Variants in GMDS observed in about 807,000 individuals in gnomAD.
GMDS encodes GDP-mannose 4,6-dehydratase.
A neutral mutation model predicts 49.9 loss-of-function variants in GMDS; 20 were observed. The ratio of observed to expected loss-of-function variants is 0.40; its 90% CI spans 0.28 to 0.58. The LOEUF (loss-of-function observed/expected upper bound fraction) is 0.58, where lower values mean the gene tolerates loss of function less well. GMDS is among the 20% of genes least tolerant of loss of function. The pLI, the probability that GMDS is intolerant of heterozygous loss-of-function variation, is 0.42. For synonymous variants in GMDS, 177 were observed against 178.6 expected (o/e 0.99, Z 0.07); for missense variants, 362 against 481.4 (o/e 0.75, Z 2.32).
At chr6:2,024,521 G>T (rs1768466170) in intron 4 of GMDS, among the ~76,000 whole-genome samples, 1 of 152,232 alleles carries the variant, frequency 6.6e-6, no homozygotes, top group African/African-American at 2.4e-5. Context: ...TAGCAGTTCA[G>T]GGTTAAAGTG....
At chr6:1,824,618 G>A (rs1771034204) in intron 7 of GMDS, among the ~76,000 whole-genome samples, 2 of 152,118 alleles carry the variant, frequency 1.3e-5, no homozygotes, top group African/African-American at 4.8e-5. Flanking sequence ...GGTATCAGAT[G>A]AGGATCCAAA....
Position 2,023,704 on chromosome 6 carries a change from T to A in GMDS, c.346-62738A>T, listed in dbSNP as rs144719520. ...ATTTTTCATATATTTAGTAAAATGG[T>A]CACAAAAATTATCCCCAAATGGGTA... On this transcript the variant is annotated intron_variant, in intron 4 of 10. Coordinates refer to ENST00000380815, the MANE Select transcript of GMDS (RefSeq NM_001500.4). Among the ~76,000 whole-genome samples, 375 of 152,298 alleles carry A rather than the reference T, an allele frequency of 2.5e-3. 1 individual carries two copies. Among genetic ancestry groups the A allele is most frequent in the African/African-American group, 8.8e-3 (364 of 41,572 alleles).
intron 4 of GMDS, among the ~76,000 whole-genome samples, chr6:1,965,746 T>G (rs1452247094): frequency 6.6e-6 from 1 of 152,046 alleles, no homozygotes; most frequent in African/African-American, 2.4e-5. Context: ...AGCAGAAGGA[T>G]TACTCGAACC....
chr6:1,688,345 C>T (rs1026783621), intron 9 of GMDS, among the ~76,000 whole-genome samples: 3 of 152,246 alleles, frequency 2.0e-5, no homozygotes, highest in East Asian at 1.9e-4. Flanking sequence ...AGATGAACGA[C>T]GGCTCGTGGA....
intron 7 of GMDS, among the ~76,000 whole-genome samples, chr6:1,893,211 TGAGAC>T (rs1759966552): frequency 6.7e-6 from 1 of 148,718 alleles, no homozygotes. Context: ...TTTTTTTTTT[TGAGAC>T]GGAGTCTGAC....
chr6:2,011,929 A>G (rs370306258), intron 4 of GMDS, among the ~76,000 whole-genome samples: 2 of 152,342 alleles, frequency 1.3e-5, no homozygotes, highest in East Asian at 3.9e-4. Flanking sequence ...ATAAAAAGTA[A>G]AATAAAACAA....
chr6:1,658,495 G>T (rs1012331035), intron 9 of GMDS, among the ~76,000 whole-genome samples: 9 of 152,250 alleles, frequency 5.9e-5, no homozygotes, highest in African/African-American at 1.9e-4. Flanking sequence ...GACAGGCAGA[G>T]GGAAGCTCTC....
At chr6:1,891,834 C>T (rs912009919) in intron 7 of GMDS, among the ~76,000 whole-genome samples, 1 of 152,156 alleles carries the variant, frequency 6.6e-6, no homozygotes, top group Non-Finnish European at 1.5e-5. Flanking sequence ...AACCACTGAG[C>T]TAGAAGACAG....
intron 7 of GMDS, among the ~76,000 whole-genome samples, chr6:1,915,025 G>A (rs1761302271): frequency 6.6e-6 from 1 of 152,240 alleles, no homozygotes; most frequent in Admixed American, 6.5e-5. Context: ...AGCTACAGCA[G>A]GTGGCTGGCA....
At chr6:2,046,581 T>G (rs1348662733) in intron 4 of GMDS, among the ~76,000 whole-genome samples, 1 of 152,104 alleles carries the variant, frequency 6.6e-6, no homozygotes, top group African/African-American at 2.4e-5. Context: ...CACCTCAGCC[T>G]CCAGAGTAGC....
rs966381460 is a variant in GMDS at position 1,960,713 on chromosome 6, A to C, written c.538+61T>G. On this transcript the variant is annotated intron_variant, in intron 5 of 10. Transcript: ENST00000380815. The stretch of plus-strand genomic sequence containing the variant: ...ATGAACAGAATGAAAGGAAAAACAC[A>C]CACCCCCCACACCCACAGATAACGC... 3.5e-5 allele frequency: 39 copies of C among 1,101,536 alleles called. No homozygotes were observed. In the African/African-American group the frequency reaches 5.4e-4, roughly 15 times the overall value. 68.2% of individuals were successfully genotyped at this position (1,101,536 alleles called of 1,614,324 possible).
intron 1 of GMDS, among the ~76,000 whole-genome samples, chr6:2,162,557 T>A (rs902950811): frequency 6.6e-6 from 1 of 152,164 alleles, no homozygotes; most frequent in African/African-American, 2.4e-5. Flanking sequence ...TATTCAGGGT[T>A]AGAATTTTAA....
At chr6:2,030,349 C>T (rs1768877844) in intron 4 of GMDS, among the ~76,000 whole-genome samples, 1 of 152,186 alleles carries the variant, frequency 6.6e-6, no homozygotes, top group Admixed American at 6.5e-5. Context: ...AAATCTGAAT[C>T]TGGTGGTTGT....
Position 1,624,047 on chromosome 6 carries a change from C to A in GMDS, c.*122G>T. On this transcript the variant is annotated 3_prime_UTR_variant, in exon 11 of 11. Coordinates refer to ENST00000380815, the MANE Select transcript of GMDS (RefSeq NM_001500.4). Reference sequence around the variant, plus strand: ...CGCTCTTGCGGCCGGGACAGCGCAGCGGCAGCAGGGGCCGCAGGGGACCCG... The same window carrying A: ...CGCTCTTGCGGCCGGGACAGCGCAGAGGCAGCAGGGGCCGCAGGGGACCCG... 3 of 829,802 alleles carry A rather than the reference C, an allele frequency of 3.6e-6. No homozygotes were observed. The highest frequency in any genetic ancestry group is 5.7e-6 in the Non-Finnish European group (3 of 523,886). The allele number at this position is 829,802 out of a possible 1,614,324, so 51.4% of individuals were successfully genotyped here. A position where few individuals can be genotyped will look rare whatever the true frequency, so the allele number is the denominator to read the frequency against.
At chr6:2,028,489 A>C (rs1768743631) in intron 4 of GMDS, among the ~76,000 whole-genome samples, 2 of 152,232 alleles carry the variant, frequency 1.3e-5, no homozygotes, top group Non-Finnish European at 2.9e-5. Context: ...ACCCCATGTA[A>C]TTCTGAGTGG....
chr6:2,102,392 T>C (rs1014872233), intron 4 of GMDS, among the ~76,000 whole-genome samples: 1 of 152,230 alleles, frequency 6.6e-6, no homozygotes. Context: ...ATTAATATGC[T>C]GGTTTTTAAA....
At chr6:2,133,029 T>C (rs1425572399) in intron 1 of GMDS, among the ~76,000 whole-genome samples, 1 of 152,222 alleles carries the variant, frequency 6.6e-6, no homozygotes, top group Non-Finnish European at 1.5e-5. Flanking sequence ...CCTTTCTCAC[T>C]ATCTCTCAAA....
intron 4 of GMDS, among the ~76,000 whole-genome samples, chr6:2,065,467 A>T (rs1771511802): frequency 6.6e-6 from 1 of 152,174 alleles, no homozygotes; most frequent in South Asian, 2.1e-4. Flanking sequence ...CGATCAAATT[A>T]CTCCGAGTTA....
intron 1 of GMDS, among the ~76,000 whole-genome samples, chr6:2,155,926 T>A (rs1305117308): frequency 1.3e-5 from 2 of 152,132 alleles, no homozygotes; most frequent in Non-Finnish European, 2.9e-5. Context: ...ACTAACCTAC[T>A]TATAAAATCA....
Sources: gnomAD v4.1 joint callset for allele counts (sites outside exome capture counted in the v4.1 genomes callset) on GRCh38, gnomAD v4.1.1 for gene constraint, MANE v1.5 for transcripts, NCBI Gene and HGNC (gene_info 2026-07-23, HGNC 2026-07-21) for gene names.